The following KPNA2 variants were observed in gnomAD, a reference collection of about 807,000 sequenced individuals.
KPNA2 encodes karyopherin subunit alpha 2, also known as importin subunit alpha-1.
Under a neutral mutation model 53.7 loss-of-function variants are expected in KPNA2, and 20 were observed. The observed-to-expected ratio is 0.37, with a 90% CI of 0.26 to 0.54. The LOEUF is 0.54. Ranked by LOEUF, KPNA2 falls within the 20% of genes least tolerant of loss-of-function variation. The probability of loss-of-function intolerance (pLI) is 0.83; values close to 1 mark genes in which losing one functional copy is unlikely to be tolerated. For missense variants in KPNA2, 515 were observed against 640.3 expected, an observed-to-expected ratio of 0.80 and a Z score of 2.11; for synonymous variants, 238 against 227.5, an observed-to-expected ratio of 1.05 and a Z score of -0.42.
Position 68,043,892 on chromosome 17 carries a change from C to G in KPNA2, c.985C>G (p.Gln329Glu). Reference protein sequence around the residue: ...NIVTGTDEQTQVVIDAGALAV... With the variant: ...NIVTGTDEQTEVVIDAGALAV... Reference sequence around the variant, plus strand: ...TGTCACTGGTACAGATGAACAGACTCAGGTTGTGATTGATGCAGGAGCACT... The same window carrying G: ...TGTCACTGGTACAGATGAACAGACTGAGGTTGTGATTGATGCAGGAGCACT... The change falls in exon 8 of 11, where the codon CAG becomes GAG. Residue 329 changes from glutamine (Q) to glutamate (E), a missense_variant. Transcript: ENST00000330459. 6.2e-7 allele frequency: 1 copy of G among 1,613,496 alleles called. No individual in the cohort carries two copies. Among genetic ancestry groups the G allele is most frequent in the Non-Finnish European group, 8.5e-7 (1 of 1,179,706 alleles).
At chr17:68,040,375 G>A (rs1485886299) in intron 3 of KPNA2, among the ~76,000 whole-genome samples, 1 of 150,820 alleles carries the variant, frequency 6.6e-6, no homozygotes, top group Admixed American at 6.7e-5. Context: ...GCTTACAGGT[G>A]TGAGCCACCA....
chr17:68,045,649 T>C (rs2144222473), intron 9 of KPNA2, 123 bp from the exon 10 acceptor site: 1 of 703,214 alleles, frequency 1.4e-6, no homozygotes, highest in African/African-American at 1.8e-5. Context: ...ATGATAGGCT[T>C]GATGAAGGAA....
At chr17:68,044,670 A>G (rs1555705196) in intron 9 of KPNA2, among the ~76,000 whole-genome samples, 167 bp downstream of exon 9, 1 of 152,218 alleles carries the variant, frequency 6.6e-6, no homozygotes, top group African/African-American at 2.4e-5. Context: ...AGGCATTATA[A>G]AAGATACAAA....
intron 3 of KPNA2, among the ~76,000 whole-genome samples, chr17:68,039,295 A>T (rs62084690): frequency 6.6e-6 from 1 of 151,068 alleles, no homozygotes. Flanking sequence ...TAATTTTTGC[A>T]TTTTTAGTAG....
intron 4 of KPNA2, among the ~76,000 whole-genome samples, chr17:68,041,530 G>A (rs1555704577): frequency 6.6e-6 from 1 of 152,160 alleles, no homozygotes; most frequent in Non-Finnish European, 1.5e-5. Context: ...CTGCATTCCA[G>A]CATGGCGACA....
At chr17:68,039,730 A>C (rs559589606) in intron 3 of KPNA2, among the ~76,000 whole-genome samples, 44 of 151,326 alleles carry the variant, frequency 2.9e-4, no homozygotes, top group Non-Finnish European at 6.5e-4. Flanking sequence ...TGGTGAGCCG[A>C]GATCACGCCA....
At chr17:68,039,168 T>G (rs1410575639) in intron 3 of KPNA2, among the ~76,000 whole-genome samples, 5 of 152,084 alleles carry the variant, frequency 3.3e-5, no homozygotes, top group African/African-American at 1.2e-4. Context: ...TTGCCCAGGC[T>G]GGAGTGCAGT....
At chr17:68,045,736 T>C (rs1267637084) in intron 9 of KPNA2, 36 bp from the exon 10 acceptor site, 15 of 1,483,212 alleles carry the variant, frequency 1.0e-5, no homozygotes, top group Non-Finnish European at 1.4e-5. Flanking sequence ...AAAACCAGAG[T>C]ATATGCCAGT....
chr17:68,042,053 C>T (rs1555704622), intron 4 of KPNA2, 32 bp from the exon 5 acceptor site: 4 of 1,575,100 alleles, frequency 2.5e-6, no homozygotes, highest in Middle Eastern at 1.7e-4. Context: ...TAATCACTGT[C>T]AACTTTTATT....
At chr17:68,040,610 G>A in intron 3 of KPNA2, 68 bp from the exon 4 acceptor site, 2 of 1,049,864 alleles carry the variant, frequency 1.9e-6, no homozygotes, top group Non-Finnish European at 3.0e-6. Context: ...GCCTTCACAA[G>A]TAAGTGTGGA....
rs1555704914 is a variant in KPNA2, at chr17:68,043,283, G to A, written c.850G>A (p.Glu284Lys). ...TTCCTACCTTACTGATGGTCCAAAT[G>A]AACGAATTGGCATGGTGGTGAAAAC... ...AISYLTDGPN[E>K]RIGMVVKTGV... Residue 284 changes from glutamate (E) to lysine (K), a missense_variant, in exon 7 of 11, where the codon GAA becomes AAA. Transcript: ENST00000330459. 6 of 1,614,138 alleles carry A rather than the reference G, an allele frequency of 3.7e-6. No homozygotes were observed. In the South Asian group the frequency reaches 4.4e-5, roughly 12 times the overall value.
rs1368066247 is a variant in KPNA2, at chr17:68,042,360, G to A, written c.571+7G>A. On this transcript the variant is annotated splice_region_variant and intron_variant, in intron 5 of 10. Transcript: ENST00000330459. ...GCTCTAGGAAACATTGCAGGTACTT[G>A]GACTTGAAGTTCTTTTGACTGAATG... is the stretch of plus-strand genomic sequence containing the variant. 18 of 1,612,886 alleles carry A rather than the reference G, an allele frequency of 1.1e-5. No homozygotes were observed. Among genetic ancestry groups the A allele is most frequent in the Non-Finnish European group, 1.4e-5 (16 of 1,179,076 alleles).
At chr17:68,039,902 G>A (rs1439509937) in intron 3 of KPNA2, among the ~76,000 whole-genome samples, 4 of 149,150 alleles carry the variant, frequency 2.7e-5, no homozygotes, top group African/African-American at 7.5e-5. Context: ...GAGAAACCCC[G>A]TCTCTACTAA....
chr17:68,042,496 A>C, intron 5 of KPNA2, 143 bp downstream of exon 5: 2 of 917,050 alleles, frequency 2.2e-6, no homozygotes, highest in Admixed American at 4.6e-5. Context: ...TCGTCTTTAC[A>C]AAGGCAGCAG....
intron 3 of KPNA2, among the ~76,000 whole-genome samples, chr17:68,040,358 G>A (rs1455297558): frequency 6.8e-6 from 1 of 147,948 alleles, no homozygotes; most frequent in Admixed American, 6.9e-5. Flanking sequence ...GCCTCCCAAA[G>A]TGCTAGGCTT....
chr17:68,038,908 A>G (rs2071221035), intron 3 of KPNA2, among the ~76,000 whole-genome samples: 1 of 152,032 alleles, frequency 6.6e-6, no homozygotes, highest in Non-Finnish European at 1.5e-5. Context: ...CTAGGTATTC[A>G]GGGGGCTGAG....
At chr17:68,045,676 T>C in intron 9 of KPNA2, 96 bp from the exon 10 acceptor site, 1 of 926,564 alleles carries the variant, frequency 1.1e-6, no homozygotes, top group Non-Finnish European at 1.6e-6. Context: ...GGTGCTTATT[T>C]CTGCCTGACG....
intron 1 of KPNA2, chr17:68,036,049 G>C (rs1382898985): frequency 6.6e-6 from 1 of 152,310 alleles, no homozygotes; most frequent in Non-Finnish European, 1.5e-5. Context: ...TCTGCAAACG[G>C]CAGCGGAGGC....
intron 10 of KPNA2, among the ~76,000 whole-genome samples, 152 bp from the exon 11 acceptor site, chr17:68,046,351 AC>A (rs1365757132): frequency 1.3e-5 from 2 of 152,110 alleles, no homozygotes; most frequent in Non-Finnish European, 2.9e-5. Context: ...AGTTTCAGAG[AC>A]CCTCCCTCCT....
Sources: allele counts gnomAD v4.1 joint callset (sites outside exome capture counted in the v4.1 genomes callset), GRCh38; gene constraint gnomAD v4.1.1; transcripts MANE v1.5; gene names NCBI Gene and HGNC (gene_info 2026-07-23, HGNC 2026-07-21).